MNS1: variants seen among roughly 807,000 people sequenced by gnomAD.
The protein encoded by MNS1 is meiosis-specific nuclear structural protein 1.
Under a neutral mutation model 72.0 loss-of-function variants are expected in MNS1, and 63 were observed. The observed-to-expected ratio is 0.87, with a 90% CI of 0.71 to 1.08. MNS1 has a LOEUF of 1.08. Among genes scored for constraint, MNS1 ranks in the 50% least tolerant of loss-of-function variants. The probability of loss-of-function intolerance (pLI) is 0.00; values close to 1 mark genes in which losing one functional copy is unlikely to be tolerated. For synonymous variants in MNS1, 188 were observed against 172.1 expected (o/e 1.09, Z -0.72); for missense variants, 604 against 562.4 (o/e 1.07, Z -0.75).
Position 56,443,494 on chromosome 15 carries a change from A to G in MNS1, c.947T>C (p.Leu316Ser). 1 of 1,600,864 alleles carries G rather than the reference A, an allele frequency of 6.2e-7. No individual in the cohort carries two copies. Among genetic ancestry groups the G allele is most frequent in the Non-Finnish European group, 8.5e-7 (1 of 1,176,248 alleles). ...LEEMLRQRED[L>S]EQVRQELYQE... ...GTATAATTCTTGTCGCACTTGTTCC[A>G]AATCTTCACGTTGCCGCAGCATTTC... The change falls in exon 7 of 10, where the codon TTG becomes TCG. Residue 316 changes from leucine (L) to serine (S), a missense_variant. Leu to Ser is a moderately radical substitution (Grantham distance 145, BLOSUM62 -2). Transcript: ENST00000260453.
At chr15:56,460,627 C>T (rs1452345584) in intron 2 of MNS1, among the ~76,000 whole-genome samples, 1 of 152,120 alleles carries the variant, frequency 6.6e-6, no homozygotes, top group Non-Finnish European at 1.5e-5. Flanking sequence ...ACTGTTTTTG[C>T]AACTCTCCTA....
Position 56,428,780 on chromosome 15 carries a change from G to A in MNS1, c.*321C>T, listed in dbSNP as rs529801792. ...TGGCTAAATCAAGTAAGTAAAGTTC[G>A]TAAACACAGACAGAAGGCAGTTCAC... On this transcript the variant is annotated 3_prime_UTR_variant, in exon 10 of 10. Transcript: ENST00000260453. 1.4e-5 allele frequency: 5 copies of A among 349,556 alleles called. No homozygotes were observed. The highest frequency in any genetic ancestry group is 4.4e-5 in the Admixed American group (1 of 22,700). The allele number at this position is 349,556 out of a possible 1,614,324, so 21.7% of individuals were successfully genotyped here.
chr15:56,443,308 TA>T, intron 7 of MNS1, 121 bp downstream of exon 7: 1 of 675,738 alleles, frequency 1.5e-6, no homozygotes, highest in Middle Eastern at 4.4e-4. Context: ...AACTGTAGTA[TA>T]CCATTTACAT....
chr15:56,445,370 T>C (rs2050889344), intron 4 of MNS1, among the ~76,000 whole-genome samples: 2 of 152,030 alleles, frequency 1.3e-5, no homozygotes, highest in Admixed American at 6.6e-5. Context: ...AAGTTTTAAA[T>C]GAAATATACT....
intron 4 of MNS1, chr15:56,445,956 C>T (rs983756929): frequency 5.3e-5 from 8 of 152,038 alleles, no homozygotes; most frequent in African/African-American, 1.7e-4. Flanking sequence ...TCCACCTTTT[C>T]TTATCACCTG....
At chr15:56,434,850 AT>A (rs1198461594) in intron 7 of MNS1, among the ~76,000 whole-genome samples, 1 of 152,108 alleles carries the variant, frequency 6.6e-6, no homozygotes, top group Non-Finnish European at 1.5e-5. Flanking sequence ...TAGTCTTCTA[AT>A]ATTCCCTTCA....
At chr15:56,459,058 A>G (rs2140380141) in intron 2 of MNS1, among the ~76,000 whole-genome samples, 1 of 152,352 alleles carries the variant, frequency 6.6e-6, no homozygotes, top group African/African-American at 2.4e-5. Flanking sequence ...ACACTCCAGA[A>G]TGTTTACATC....
chr15:56,439,877 A>G (rs970162502), intron 7 of MNS1, among the ~76,000 whole-genome samples: 2 of 152,048 alleles, frequency 1.3e-5, no homozygotes, highest in Admixed American at 6.6e-5. Context: ...CATGATCCAT[A>G]AAAAGAAAAA....
At position 56,451,552 on chromosome 15, in the gene MNS1, A is replaced by C. The variant is rs538273000; in HGVS notation, c.354-4609T>G. On this transcript the variant is annotated intron_variant, in intron 3 of 9. Coordinates refer to ENST00000260453, the MANE Select transcript of MNS1 (RefSeq NM_018365.4). ...GGAGCTGGGAGCTGCCTACTCTGCT[A>C]TTTTGCTAATATCAGTCCAATCCTG... 7.2e-5 allele frequency among the ~76,000 whole-genome samples: 11 copies of C among 152,218 alleles called. No individual in the cohort carries two copies. In the East Asian group the frequency reaches 2.1e-3, roughly 29 times the overall value.
chr15:56,433,577 T>C (rs1181351929), intron 8 of MNS1, among the ~76,000 whole-genome samples: 1 of 152,154 alleles, frequency 6.6e-6, no homozygotes, highest in African/African-American at 2.4e-5. Context: ...TTGCATGGGT[T>C]TCACCACTTG....
At chr15:56,440,214 C>T (rs2050795655) in intron 7 of MNS1, among the ~76,000 whole-genome samples, 2 of 152,090 alleles carry the variant, frequency 1.3e-5, no homozygotes, top group Non-Finnish European at 2.9e-5. Flanking sequence ...AATAAAACTA[C>T]AAGGTATCAC....
At chr15:56,464,666 A>T (rs899833508) in intron 1 of MNS1, among the ~76,000 whole-genome samples, 6 of 152,126 alleles carry the variant, frequency 3.9e-5, no homozygotes, top group African/African-American at 1.4e-4. Context: ...TAAATGTAAT[A>T]GGTCAATTCG....
intron 7 of MNS1, among the ~76,000 whole-genome samples, chr15:56,442,658 T>A (rs529662224): frequency 6.6e-6 from 1 of 152,294 alleles, no homozygotes; most frequent in East Asian, 1.9e-4. Flanking sequence ...AAATACTACA[T>A]GTCTTCACAT....
rs2050464058 is a variant in MNS1, at chr15:56,428,961, C to CAAGTTATGAAATTCAG, written c.*124_*139dup. On this transcript the variant is annotated 3_prime_UTR_variant, in exon 10 of 10. Coordinates refer to ENST00000260453, the MANE Select transcript of MNS1 (RefSeq NM_018365.4). ...TTAATTTGTATCTGATAATTGTTTA[C>CAAGTTATGAAATTCAG]AAGTTATGAAATTCAGTGATGATTT... The CAAGTTATGAAATTCAG allele has an allele frequency of 5.3e-6, 3 of 565,780 alleles. No homozygotes were observed. The highest frequency in any genetic ancestry group is 7.4e-5 in the Admixed American group (2 of 27,048). The allele number at this position is 565,780 out of a possible 1,614,324, so 35.0% of individuals were successfully genotyped here. A position where few individuals can be genotyped will look rare whatever the true frequency, so the allele number is the denominator to read the frequency against.
intron 7 of MNS1, among the ~76,000 whole-genome samples, chr15:56,439,180 A>G (rs1017682591): frequency 6.6e-6 from 1 of 152,174 alleles, no homozygotes; most frequent in Non-Finnish European, 1.5e-5. Flanking sequence ...TCCATTTACG[A>G]TTGCTCAAAA....
At chr15:56,460,894 G>A (rs1014748378) in intron 2 of MNS1, among the ~76,000 whole-genome samples, 2 of 152,164 alleles carry the variant, frequency 1.3e-5, no homozygotes, top group Non-Finnish European at 2.9e-5. Context: ...TATGAAGGCA[G>A]GCAAGTTCTA....
chr15:56,430,915 C>T (rs1015067724), intron 9 of MNS1, among the ~76,000 whole-genome samples: 4 of 152,176 alleles, frequency 2.6e-5, no homozygotes, highest in African/African-American at 9.7e-5. Context: ...CCACCCAGCA[C>T]TTGGGGAGGC....
intron 4 of MNS1, chr15:56,445,787 G>A (rs2050896511): frequency 6.6e-6 from 1 of 151,958 alleles, no homozygotes; most frequent in African/African-American, 2.4e-5. Context: ...GAAAATAGCA[G>A]CAATTCTCGT....
At chr15:56,456,262 T>A in intron 3 of MNS1, 132 bp downstream of exon 3, 1 of 753,722 alleles carries the variant, frequency 1.3e-6, no homozygotes, top group Non-Finnish European at 2.0e-6. Flanking sequence ...CTTAAAGCAA[T>A]AAGTATTTCC....
Sources: gnomAD v4.1 joint callset for allele counts (sites outside exome capture counted in the v4.1 genomes callset) on GRCh38, gnomAD v4.1.1 for gene constraint, MANE v1.5 for transcripts, NCBI Gene and HGNC (gene_info 2026-07-23, HGNC 2026-07-21) for gene names.